Variants in SLC39A12 observed in about 807,000 individuals in gnomAD.
The protein encoded by SLC39A12 is solute carrier family 39 member 12.
A neutral mutation model predicts 71.1 loss-of-function variants in SLC39A12; 63 were observed. That is an observed-to-expected ratio of 0.89 (90% CI 0.72 to 1.09). The LOEUF (loss-of-function observed/expected upper bound fraction) is 1.09. SLC39A12 is among the 50% of genes least tolerant of loss of function. The pLI, the probability that SLC39A12 is intolerant of heterozygous loss-of-function variation, is 0.00. For missense variants in SLC39A12, 892 were observed against 812.6 expected (o/e 1.10, Z -1.19); for synonymous variants, 351 against 301.3 (o/e 1.16, Z -1.71).
intron 10 of SLC39A12, among the ~76,000 whole-genome samples, chr10:17,998,846 C>G (rs921262753): frequency 6.6e-6 from 1 of 152,118 alleles, no homozygotes; most frequent in African/African-American, 2.4e-5. Context: ...GATGGCAAAC[C>G]ACATTATAAT....
intron 12 of SLC39A12, among the ~76,000 whole-genome samples, chr10:18,036,236 C>T (rs572044530): frequency 6.6e-6 from 1 of 152,338 alleles, no homozygotes; most frequent in East Asian, 1.9e-4. Context: ...GGCGGGCGCC[C>T]CTCCCCCAGC....
chr10:18,008,116 A>G (rs1040164261), intron 12 of SLC39A12, among the ~76,000 whole-genome samples: 1 of 152,158 alleles, frequency 6.6e-6, no homozygotes, highest in African/African-American at 2.4e-5. Context: ...TGGAAACTTT[A>G]TTGCAGGAGT....
At chr10:17,991,340 G>T (rs760666839) in intron 8 of SLC39A12, 37 bp downstream of exon 8, 2 of 1,499,660 alleles carry the variant, frequency 1.3e-6, no homozygotes, top group Non-Finnish European at 1.8e-6. Context: ...GTGCTTTAAA[G>T]TCTTATAATA....
At chr10:18,025,171 A>T (rs1836641437) in intron 12 of SLC39A12, among the ~76,000 whole-genome samples, 4 of 150,044 alleles carry the variant, frequency 2.7e-5, no homozygotes, top group Admixed American at 1.3e-4. Context: ...TGTCTTTCAC[A>T]TTTTTTTTGC....
chr10:17,992,666 G>A (rs2130828164), intron 8 of SLC39A12, among the ~76,000 whole-genome samples: 1 of 152,266 alleles, frequency 6.6e-6, no homozygotes, highest in South Asian at 2.1e-4. Context: ...ATCCAGTGTG[G>A]TAATGAGTGA....
chr10:18,015,198 G>A (rs2130866900), intron 12 of SLC39A12, among the ~76,000 whole-genome samples: 1 of 149,244 alleles, frequency 6.7e-6, no homozygotes, highest in South Asian at 2.1e-4. Flanking sequence ...ATAAACTTTT[G>A]GGTACCACTA....
At chr10:17,967,622 G>T (rs996216267) in intron 4 of SLC39A12, among the ~76,000 whole-genome samples, 1 of 151,864 alleles carries the variant, frequency 6.6e-6, no homozygotes, top group Non-Finnish European at 1.5e-5. Context: ...GGTGGCTCAC[G>T]CCTGTAATCC....
chr10:18,032,129 C>G (rs1257752354), intron 12 of SLC39A12, among the ~76,000 whole-genome samples: 1 of 120,638 alleles, frequency 8.3e-6, no homozygotes, highest in East Asian at 2.4e-4. Context: ...CTTGGCGACG[C>G]GGGCTCTTTT....
chr10:18,015,577 T>G (rs1392584175), intron 12 of SLC39A12, among the ~76,000 whole-genome samples: 1 of 152,148 alleles, frequency 6.6e-6, no homozygotes, highest in African/African-American at 2.4e-5. Context: ...CAGTCTAGTT[T>G]GGCCTTAGAC....
intron 11 of SLC39A12, chr10:18,001,939 T>G (rs1835846605): frequency 6.6e-6 from 1 of 151,712 alleles, no homozygotes; most frequent in Admixed American, 6.6e-5. Context: ...TTTTTTTTTT[T>G]TTTGTAGTGA....
At chr10:17,979,359 G>A (rs1043511174) in intron 5 of SLC39A12, among the ~76,000 whole-genome samples, 20 of 152,194 alleles carry the variant, frequency 1.3e-4, no homozygotes, top group African/African-American at 4.8e-4. Context: ...CTCTGAGAAG[G>A]TATTGTAAAA....
chr10:18,026,728 A>G (rs1457544979), intron 12 of SLC39A12, among the ~76,000 whole-genome samples: 1 of 151,114 alleles, frequency 6.6e-6, no homozygotes, highest in Admixed American at 6.6e-5. Context: ...TTTTTTCTCT[A>G]CTTTTCTGTT....
Position 18,033,290 on chromosome 10 carries a change from T to C in SLC39A12, c.1948-9415T>C, listed in dbSNP as rs550554836. ...GAATCCATCTGGTCCTGGACTCTTT[T>C]TGGTTGGTAAACTATTGATTATTGC... On this transcript the variant is annotated intron_variant, in intron 12 of 12. Coordinates refer to ENST00000377369, the MANE Select transcript of SLC39A12 (RefSeq NM_001145195.2). Among the ~76,000 whole-genome samples the C allele has an allele frequency of 1.8e-4, 27 of 149,358 alleles. No individual in the cohort carries two copies. In the South Asian group the frequency reaches 3.9e-3, roughly 22 times the overall value.
intron 5 of SLC39A12, among the ~76,000 whole-genome samples, chr10:17,979,606 A>G (rs565575877): frequency 1.3e-5 from 2 of 152,296 alleles, no homozygotes; most frequent in South Asian, 4.1e-4. Context: ...TGTCTTTGGC[A>G]TACATTATTT....
At chr10:18,025,354 G>T (rs1180802399) in intron 12 of SLC39A12, among the ~76,000 whole-genome samples, 1 of 151,970 alleles carries the variant, frequency 6.6e-6, no homozygotes, top group Non-Finnish European at 1.5e-5. Context: ...TTTAACATTA[G>T]GTGTATCTCC....
At chr10:18,025,016 T>C (rs890808761) in intron 12 of SLC39A12, among the ~76,000 whole-genome samples, 1 of 152,184 alleles carries the variant, frequency 6.6e-6, no homozygotes, top group Non-Finnish European at 1.5e-5. Context: ...AGTAGTTTGG[T>C]CTCGTTTCTT....
intron 1 of SLC39A12, among the ~76,000 whole-genome samples, chr10:17,952,283 C>G (rs1031920606): frequency 1.2e-4 from 17 of 141,842 alleles, no homozygotes; most frequent in African/African-American, 4.5e-4. Context: ...AAGTCATCCC[C>G]CACTCCTTTA....
chr10:17,964,754 G>A (rs1403851737), intron 3 of SLC39A12, among the ~76,000 whole-genome samples: 4 of 152,214 alleles, frequency 2.6e-5, no homozygotes, highest in African/African-American at 7.2e-5. Context: ...CTGTGATGAC[G>A]CAAGGCAGCA....
At chr10:18,008,719 A>G (rs964994676) in intron 12 of SLC39A12, 3 of 152,180 alleles carry the variant, frequency 2.0e-5, no homozygotes, top group South Asian at 2.1e-4. Flanking sequence ...AAATACACCA[A>G]GTGAAAAAAC....
Sources: allele counts gnomAD v4.1 joint callset (sites outside exome capture counted in the v4.1 genomes callset), GRCh38; gene constraint gnomAD v4.1.1; transcripts MANE v1.5; gene names NCBI Gene and HGNC (gene_info 2026-07-23, HGNC 2026-07-21).